The following CNTNAP2 variants were observed in gnomAD, a reference collection of about 807,000 sequenced individuals.
CNTNAP2 encodes contactin associated protein 2.
In CNTNAP2, 98 loss-of-function variants were observed where a neutral mutation model predicts 155.2. The ratio of observed to expected loss-of-function variants is 0.63; its 90% CI spans 0.54 to 0.75. CNTNAP2 has a LOEUF of 0.75. Ranked by LOEUF, CNTNAP2 falls within the 30% of genes least tolerant of loss-of-function variation. The pLI, the probability that CNTNAP2 is intolerant of heterozygous loss-of-function variation, is 0.00. For synonymous variants in CNTNAP2, 651 were observed against 631.2 expected, an observed-to-expected ratio of 1.03 and a Z score of -0.47; for missense variants, 1,727 against 1,688.1, an observed-to-expected ratio of 1.02 and a Z score of -0.40.
chr7:147,560,290 C>T (rs1800037643), intron 11 of CNTNAP2, among the ~76,000 whole-genome samples: 2 of 151,198 alleles, frequency 1.3e-5, no homozygotes, highest in African/African-American at 4.9e-5. Context: ...AGCCTAAATA[C>T]TCTTTTTACC....
chr7:147,742,804 G>A (rs750377902), intron 13 of CNTNAP2, among the ~76,000 whole-genome samples: 6 of 152,120 alleles, frequency 3.9e-5, no homozygotes, highest in Non-Finnish European at 5.9e-5. Context: ...CAAACACAGC[G>A]TTTTCAAAGA....
Position 147,159,583 on chromosome 7 carries a change from A to G in CNTNAP2, c.1348+27074A>G, listed in dbSNP as rs187175897. Among the ~76,000 whole-genome samples the G allele has an allele frequency of 7.6e-4, 116 of 152,250 alleles. 1 individual carries two copies. The highest frequency in any genetic ancestry group is 4.3e-4 in the Non-Finnish European group (29 of 67,970). ...ATCAGTCTTCATATTAATATTTTAA[A>G]TATGCGGAACAAGGTAAAGTAGTCT... On this transcript the variant is annotated intron_variant, in intron 8 of 23. Coordinates refer to ENST00000361727, the MANE Select transcript of CNTNAP2 (RefSeq NM_014141.6).
At chr7:147,866,511 C>T (rs1799231154) in intron 13 of CNTNAP2, among the ~76,000 whole-genome samples, 1 of 152,240 alleles carries the variant, frequency 6.6e-6, no homozygotes, top group African/African-American at 2.4e-5. Context: ...CTAATATTGA[C>T]AGTAGGGTGT....
intron 21 of CNTNAP2, among the ~76,000 whole-genome samples, chr7:148,339,825 T>C (rs564841513): frequency 1.2e-4 from 19 of 152,272 alleles, no homozygotes; most frequent in Non-Finnish European, 2.5e-4. Context: ...CGATTCTTGA[T>C]CTTCTCTCTG....
intron 10 of CNTNAP2, among the ~76,000 whole-genome samples, 179 bp from the exon 11 acceptor site, chr7:147,485,756 G>T (rs1181361051): frequency 6.6e-6 from 1 of 152,128 alleles, no homozygotes; most frequent in Admixed American, 6.5e-5. Context: ...CATCATCTTT[G>T]TTGCGCTTGG....
intron 15 of CNTNAP2, among the ~76,000 whole-genome samples, chr7:148,043,959 A>G (rs1032299127): frequency 2.6e-5 from 4 of 152,190 alleles, no homozygotes; most frequent in African/African-American, 9.7e-5. Flanking sequence ...ATTCCATGGC[A>G]TATTTGACTT....
At chr7:147,660,809 G>A (rs1223241582) in intron 13 of CNTNAP2, among the ~76,000 whole-genome samples, 1 of 152,190 alleles carries the variant, frequency 6.6e-6, no homozygotes, top group Non-Finnish European at 1.5e-5. Flanking sequence ...AAGTAAGATG[G>A]TAGGAGACTG....
intron 1 of CNTNAP2, among the ~76,000 whole-genome samples, chr7:146,536,782 G>A (rs144785474): frequency 5.9e-5 from 9 of 152,162 alleles, no homozygotes; most frequent in South Asian, 2.1e-4. Context: ...TTCATTAGAC[G>A]CTGTGATTGT....
In CNTNAP2 at chr7:147,602,387, ATATTT is replaced by A. The variant is rs200272439; in HGVS notation, c.1898-36713_1898-36709del. Among the ~76,000 whole-genome samples, 493 of 149,712 alleles carry A rather than the reference ATATTT, an allele frequency of 3.3e-3. 26 individuals are homozygous for A. The East Asian group carries it at 0.074, about 22-fold the overall frequency. On this transcript the variant is annotated intron_variant, in intron 12 of 23. Coordinates refer to ENST00000361727, the MANE Select transcript of CNTNAP2 (RefSeq NM_014141.6). ...TTTTTTTTTTTTTTACTTTAAGAAC[ATATTT>A]TATTTAACCCAATATATCCAAAATA...
intron 15 of CNTNAP2, among the ~76,000 whole-genome samples, chr7:148,025,518 T>C (rs527939963): frequency 6.6e-6 from 1 of 152,334 alleles, no homozygotes; most frequent in East Asian, 1.9e-4. Flanking sequence ...TTAAGTTCTT[T>C]CTTTGCTGCA....
At chr7:146,982,494 C>G (rs1474298940) in intron 3 of CNTNAP2, among the ~76,000 whole-genome samples, 1 of 152,108 alleles carries the variant, frequency 6.6e-6, no homozygotes, top group Non-Finnish European at 1.5e-5. Context: ...CTTTGAAAGT[C>G]TTGATGCTCA....
At chr7:146,613,763 A>G (rs1048948256) in intron 1 of CNTNAP2, among the ~76,000 whole-genome samples, 2 of 152,184 alleles carry the variant, frequency 1.3e-5, no homozygotes, top group African/African-American at 4.8e-5. Flanking sequence ...TATGACTACC[A>G]TATTGGACAC....
chr7:147,923,135 T>A (rs1800315925), intron 14 of CNTNAP2, among the ~76,000 whole-genome samples: 1 of 152,082 alleles, frequency 6.6e-6, no homozygotes, highest in African/African-American at 2.4e-5. Context: ...ATGAGACCAC[T>A]GTCCATGCAA....
intron 1 of CNTNAP2, among the ~76,000 whole-genome samples, chr7:146,723,069 G>A (rs777500072): frequency 1.3e-5 from 2 of 152,098 alleles, no homozygotes; most frequent in Non-Finnish European, 2.9e-5. Flanking sequence ...TACTCCCTGT[G>A]AATGTAAGGT....
Position 147,535,401 on chromosome 7 carries a change from A to AAAAT in CNTNAP2, c.1778-26717_1778-26714dup, listed in dbSNP as rs566059437. Among the ~76,000 whole-genome samples the AAAAT allele has an allele frequency of 1.3e-3, 199 of 152,200 alleles. 5 individuals are homozygous for AAAAT. In the South Asian group the frequency reaches 0.034, roughly 26 times the overall value. On this transcript the variant is annotated intron_variant, in intron 11 of 23. Coordinates refer to ENST00000361727, the MANE Select transcript of CNTNAP2 (RefSeq NM_014141.6). ...AGTGAGACTCTGTCTCAGAAAAATA[A>AAAAT]AAATAAATAAATAAATAAATAAAAA...
At chr7:147,259,389 G>C (rs1432120375) in intron 8 of CNTNAP2, among the ~76,000 whole-genome samples, 1 of 152,036 alleles carries the variant, frequency 6.6e-6, no homozygotes, top group East Asian at 1.9e-4. Context: ...TGGGTCTTCT[G>C]TTTCCTTAAA....
intron 11 of CNTNAP2, among the ~76,000 whole-genome samples, chr7:147,493,367 T>C (rs1798642100): frequency 6.6e-6 from 1 of 152,190 alleles, no homozygotes; most frequent in Admixed American, 6.5e-5. Flanking sequence ...ATTCCTTCAA[T>C]TTACTTTCCA....
intron 23 of CNTNAP2, among the ~76,000 whole-genome samples, chr7:148,413,078 A>G (rs1425434202): frequency 6.6e-6 from 1 of 151,876 alleles, no homozygotes; most frequent in East Asian, 1.9e-4. Flanking sequence ...GCTGGGTTTG[A>G]TTTGCTAAAA....
At chr7:147,355,720 C>T (rs1220224895) in intron 9 of CNTNAP2, among the ~76,000 whole-genome samples, 1 of 152,054 alleles carries the variant, frequency 6.6e-6, no homozygotes, top group Non-Finnish European at 1.5e-5. Context: ...CACATACACC[C>T]ACCCAAGACT....
Sources: allele counts gnomAD v4.1 joint callset (sites outside exome capture counted in the v4.1 genomes callset), GRCh38; gene constraint gnomAD v4.1.1; transcripts MANE v1.5; gene names NCBI Gene and HGNC (gene_info 2026-07-23, HGNC 2026-07-21).